Variants in DBT observed in about 807,000 individuals in gnomAD.
DBT encodes the protein lipoamide acyltransferase component of branched-chain alpha-keto acid dehydrogenase complex, mitochondrial.
DBT carries 40 observed loss-of-function variants against 51.3 expected under a neutral mutation model. That is an observed-to-expected ratio of 0.78 (90% CI 0.61 to 1.02). The LOEUF (loss-of-function observed/expected upper bound fraction) is 1.02. Among genes scored for constraint, DBT ranks in the 50% least tolerant of loss-of-function variants. The pLI is 0.00. For missense variants in DBT, 510 were observed against 580.2 expected (o/e 0.88, Z 1.24); for synonymous variants, 181 against 190.4 (o/e 0.95, Z 0.41).
At chr1:100,225,626 A>G (rs1378308802) in intron 4 of DBT, among the ~76,000 whole-genome samples, 4 of 151,940 alleles carry the variant, frequency 2.6e-5, no homozygotes, top group African/African-American at 9.7e-5. Context: ...GAAGTTCAAG[A>G]CCAGCCTGGC....
intron 1 of DBT, among the ~76,000 whole-genome samples, chr1:100,242,015 A>C (rs1236241131): frequency 6.6e-6 from 1 of 152,052 alleles, no homozygotes; most frequent in South Asian, 2.1e-4. Context: ...GCAAGACTCC[A>C]TCTCAAAAAA....
At chr1:100,210,992 C>G in intron 7 of DBT, 1 of 829,212 alleles carries the variant, frequency 1.2e-6, no homozygotes, top group Non-Finnish European at 2.0e-6. Flanking sequence ...ATAAAGTAGT[C>G]AGGTAGCTTG....
Position 100,195,945 on chromosome 1 carries a change from G to A in DBT, c.*310C>T, listed in dbSNP as rs994371113. 8 of 366,066 alleles carry A rather than the reference G, an allele frequency of 2.2e-5. No individual in the cohort carries two copies. The highest frequency in any genetic ancestry group is 2.0e-4 in the East Asian group (3 of 14,950). 22.7% of individuals were successfully genotyped at this position (366,066 alleles called of 1,614,324 possible). The stretch of plus-strand genomic sequence containing the variant: ...CTCCCAAAGTGCTGGGATTACAGGC[G>A]TGAGCCACCATGCCCGGCCTAATTT... On this transcript the variant is annotated 3_prime_UTR_variant, in exon 11 of 11. Coordinates refer to ENST00000370132, the MANE Select transcript of DBT (RefSeq NM_001918.5).
chr1:100,239,679 T>G (rs1664093538), intron 2 of DBT, among the ~76,000 whole-genome samples: 1 of 151,958 alleles, frequency 6.6e-6, no homozygotes, highest in South Asian at 2.1e-4. Flanking sequence ...TAGACCAGCC[T>G]GGGCACTGTG....
chr1:100,248,745 A>C (rs1441811867), intron 1 of DBT, among the ~76,000 whole-genome samples: 1 of 152,182 alleles, frequency 6.6e-6, no homozygotes, highest in Non-Finnish European at 1.5e-5. Flanking sequence ...AGTGTTGCTG[A>C]GAAGAGCTCT....
intron 2 of DBT, among the ~76,000 whole-genome samples, chr1:100,239,896 A>G (rs1557960791): frequency 6.7e-6 from 1 of 148,192 alleles, no homozygotes; most frequent in Non-Finnish European, 1.5e-5. Flanking sequence ...GAGCATGGAA[A>G]GGCTGACTTG....
Position 100,191,634 on chromosome 1 carries a change from A to C in DBT, c.*4621T>G, listed in dbSNP as rs538993968. ...GGCTGACTCCTAGGCTCCAAAGGTG[A>C]CTAAGACTCAAGTGTGGACAGAGTA... On this transcript the variant is annotated 3_prime_UTR_variant, in exon 11 of 11. Transcript: ENST00000370132. 12 of 152,302 alleles carry C rather than the reference A, an allele frequency of 7.9e-5. No homozygotes were observed. The South Asian group carries it at 2.5e-3, about 32-fold the overall frequency. 9.4% of individuals were successfully genotyped at this position (152,302 alleles called of 1,614,324 possible). A position where few individuals can be genotyped will look rare whatever the true frequency, so the allele number is the denominator to read the frequency against.
intron 1 of DBT, among the ~76,000 whole-genome samples, chr1:100,243,730 C>T (rs1165919672): frequency 6.6e-6 from 1 of 152,086 alleles, no homozygotes; most frequent in Admixed American, 6.5e-5. Flanking sequence ...CAAGGTCACA[C>T]AGCAAATAAG....
At chr1:100,216,335 T>G (rs910554336) in intron 5 of DBT, 136 bp from the exon 6 acceptor site, 5 of 696,976 alleles carry the variant, frequency 7.2e-6, no homozygotes, top group Non-Finnish European at 1.3e-5. Flanking sequence ...CCTTTTCATT[T>G]TCTACTTAAG....
At chr1:100,216,301 C>T (rs1272985904) in intron 5 of DBT, 102 bp from the exon 6 acceptor site, 12 of 800,524 alleles carry the variant, frequency 1.5e-5, no homozygotes, top group Non-Finnish European at 2.5e-5. Context: ...TATATCTGTC[C>T]AATAAATTAG....
At chr1:100,247,231 A>C (rs919501300) in intron 1 of DBT, among the ~76,000 whole-genome samples, 5 of 152,244 alleles carry the variant, frequency 3.3e-5, no homozygotes, top group Admixed American at 2.6e-4. Flanking sequence ...TGATATTATC[A>C]AATGTCTCTT....
At chr1:100,246,472 G>T (rs1042202899) in intron 1 of DBT, among the ~76,000 whole-genome samples, 3 of 152,248 alleles carry the variant, frequency 2.0e-5, no homozygotes, top group East Asian at 3.9e-4. Flanking sequence ...AATTCAAATT[G>T]CTTACACTTT....
chr1:100,200,371 G>T (rs1277449658), intron 10 of DBT, among the ~76,000 whole-genome samples: 1 of 152,122 alleles, frequency 6.6e-6, no homozygotes, highest in Non-Finnish European at 1.5e-5. Flanking sequence ...CTCCTCTCTG[G>T]GCAGGCATCT....
At chr1:100,219,687 TG>T (rs1662727771) in intron 4 of DBT, among the ~76,000 whole-genome samples, 1 of 152,008 alleles carries the variant, frequency 6.6e-6, no homozygotes, top group Non-Finnish European at 1.5e-5. Flanking sequence ...AAGTCAAGCC[TG>T]CAGTGAGACA....
Position 100,249,762 on chromosome 1 carries a change from G to T in DBT, c.51+8C>A. 1 of 1,613,764 alleles carries T rather than the reference G, an allele frequency of 6.2e-7. No homozygotes were observed. The highest frequency in any genetic ancestry group is 1.3e-5 in the African/African-American group (1 of 75,036). ...TTCCCGGCCTCAGATCTGCCCAAAC[G>T]TGCTTACCAGCTTCCCCGCATTCCT... On this transcript the variant is annotated splice_region_variant and intron_variant, in intron 1 of 10. Transcript: ENST00000370132.
chr1:100,206,743 A>G, intron 8 of DBT, 107 bp from the exon 9 acceptor site: 2 of 767,754 alleles, frequency 2.6e-6, no homozygotes, highest in Non-Finnish European at 4.7e-6. Context: ...ACTCATTTTT[A>G]CCAGATTGGT....
rs905617642 is a variant in DBT at position 100,187,824 on chromosome 1, T to C, written c.*8431A>G. 1.3e-5 allele frequency: 2 copies of C among 152,092 alleles called. No homozygotes were observed. The highest frequency in any genetic ancestry group is 2.9e-5 in the Non-Finnish European group (2 of 68,038). The allele number at this position is 152,092 out of a possible 1,614,324, so 9.4% of individuals were successfully genotyped here. A position where few individuals can be genotyped will look rare whatever the true frequency, so the allele number is the denominator to read the frequency against. On this transcript the variant is annotated 3_prime_UTR_variant, in exon 11 of 11. Transcript: ENST00000370132. ...ATATTTCTACAAATATTTTATGGAA[T>C]GTTTAATATCTTGTAAATGTGGAAG...
chr1:100,218,932 T>TTGG (rs1225018318), intron 4 of DBT, among the ~76,000 whole-genome samples, 185 bp from the exon 5 acceptor site: 1 of 146,732 alleles, frequency 6.8e-6, no homozygotes, highest in Non-Finnish European at 1.5e-5. Flanking sequence ...ATGGGTAGAG[T>TTGG]GGGGGGGGGG....
chr1:100,238,463 TCTC>T (rs1664028590), intron 2 of DBT, among the ~76,000 whole-genome samples: 1 of 147,850 alleles, frequency 6.8e-6, no homozygotes. Context: ...TCCTTCTCCT[TCTC>T]CTCCTCCTTC....
Sources: gnomAD v4.1 joint callset for allele counts (sites outside exome capture counted in the v4.1 genomes callset) on GRCh38, gnomAD v4.1.1 for gene constraint, MANE v1.5 for transcripts, NCBI Gene and HGNC (gene_info 2026-07-23, HGNC 2026-07-21) for gene names.